AGBL4: variants seen among roughly 807,000 people sequenced by gnomAD.
AGBL4 encodes the protein AGBL carboxypeptidase 4, also known as cytosolic carboxypeptidase 6.
A neutral mutation model predicts 66.4 loss-of-function variants in AGBL4; 58 were observed. The ratio of observed to expected loss-of-function variants is 0.87; its 90% CI spans 0.71 to 1.09. The LOEUF (loss-of-function observed/expected upper bound fraction) is 1.09, where lower values mean the gene tolerates loss of function less well. AGBL4 is among the 50% of genes least tolerant of loss of function. AGBL4 has a pLI of 0.00. For missense variants in AGBL4, 579 were observed against 631.0 expected (o/e 0.92, Z 0.88); for synonymous variants, 234 against 222.9 (o/e 1.05, Z -0.44).
intron 4 of AGBL4, among the ~76,000 whole-genome samples, chr1:49,179,761 T>C (rs1019179162): frequency 6.6e-6 from 1 of 152,044 alleles, no homozygotes; most frequent in Non-Finnish European, 1.5e-5. Context: ...ACAGATGTAG[T>C]AGTTATGAAT....
chr1:49,028,145 T>C (rs1005073905), intron 5 of AGBL4, among the ~76,000 whole-genome samples: 4 of 152,138 alleles, frequency 2.6e-5, no homozygotes, highest in African/African-American at 7.2e-5. Context: ...AGGAAGCTGG[T>C]CACTACATGA....
At chr1:49,937,385 A>T (rs1654187918) in intron 1 of AGBL4, among the ~76,000 whole-genome samples, 1 of 152,062 alleles carries the variant, frequency 6.6e-6, no homozygotes, top group African/African-American at 2.4e-5. Flanking sequence ...CCACACAATA[A>T]TAATGGGAGA....
At chr1:49,557,180 T>C (rs111893428) in intron 3 of AGBL4, among the ~76,000 whole-genome samples, 2 of 151,986 alleles carry the variant, frequency 1.3e-5, no homozygotes, top group Admixed American at 1.3e-4. Flanking sequence ...GGCTGAAGTG[T>C]TCCTCAAGTG....
At chr1:49,405,107 A>C (rs1202972202) in intron 3 of AGBL4, among the ~76,000 whole-genome samples, 1 of 152,166 alleles carries the variant, frequency 6.6e-6, no homozygotes, top group African/African-American at 2.4e-5. Flanking sequence ...ACTTCAAATC[A>C]TCATTAGTAT....
chr1:49,535,932 T>C (rs1651545904), intron 3 of AGBL4, among the ~76,000 whole-genome samples: 1 of 152,200 alleles, frequency 6.6e-6, no homozygotes. Flanking sequence ...ACCTCGTGAT[T>C]GGCCTGCCTC....
intron 3 of AGBL4, among the ~76,000 whole-genome samples, chr1:49,566,386 G>A (rs953457467): frequency 6.6e-6 from 1 of 152,076 alleles, no homozygotes; most frequent in African/African-American, 2.4e-5. Context: ...CTGATTTTTA[G>A]TTTCCAATTT....
intron 3 of AGBL4, among the ~76,000 whole-genome samples, chr1:49,449,031 A>G (rs1646220297): frequency 6.6e-6 from 1 of 152,078 alleles, no homozygotes; most frequent in South Asian, 2.1e-4. Flanking sequence ...AAAACTGAAT[A>G]AATGTAAAAT....
intron 3 of AGBL4, among the ~76,000 whole-genome samples, chr1:49,449,667 T>A (rs1380603850): frequency 6.6e-6 from 1 of 151,948 alleles, no homozygotes; most frequent in Non-Finnish European, 1.5e-5. Flanking sequence ...CACGAGCCCA[T>A]AGACACAGGT....
chr1:49,226,812 A>G (rs1203740235), intron 4 of AGBL4, among the ~76,000 whole-genome samples: 2 of 152,150 alleles, frequency 1.3e-5, no homozygotes, highest in East Asian at 3.8e-4. Context: ...GTCTTAGTCC[A>G]TTTGTGATGC....
At chr1:49,451,066 T>C (rs1338326265) in intron 3 of AGBL4, among the ~76,000 whole-genome samples, 9 of 152,090 alleles carry the variant, frequency 5.9e-5, no homozygotes, top group Non-Finnish European at 1.3e-4. Context: ...AAGCACATTC[T>C]TGTTATTAGC....
chr1:49,473,388 T>G (rs923291941), intron 3 of AGBL4, among the ~76,000 whole-genome samples: 1 of 152,074 alleles, frequency 6.6e-6, no homozygotes, highest in Non-Finnish European at 1.5e-5. Context: ...ATCTGTTTGA[T>G]GATTAGTGAG....
At chr1:49,988,796 C>T (rs527596962) in intron 1 of AGBL4, among the ~76,000 whole-genome samples, 2 of 152,222 alleles carry the variant, frequency 1.3e-5, no homozygotes, top group East Asian at 1.9e-4. Context: ...TAAACTCCAT[C>T]CCAGTTTCTT....
chr1:49,319,974 G>C (rs1645103121), intron 3 of AGBL4, among the ~76,000 whole-genome samples: 1 of 151,934 alleles, frequency 6.6e-6, no homozygotes, highest in South Asian at 2.1e-4. Context: ...TGCTGTCCAG[G>C]CTAGAGTACA....
chr1:49,534,585 G>T (rs1651421883), intron 3 of AGBL4, among the ~76,000 whole-genome samples: 1 of 152,194 alleles, frequency 6.6e-6, no homozygotes, highest in Admixed American at 6.5e-5. Context: ...TTGCTTAATA[G>T]TATACATAGT....
chr1:49,013,861 G>T (rs1662628778), intron 5 of AGBL4, among the ~76,000 whole-genome samples: 1 of 152,092 alleles, frequency 6.6e-6, no homozygotes, highest in Non-Finnish European at 1.5e-5. Flanking sequence ...ACCTAAAAAT[G>T]GGATCATTCT....
chr1:48,784,619 T>C (rs974172194), intron 6 of AGBL4, among the ~76,000 whole-genome samples: 1 of 152,234 alleles, frequency 6.6e-6, no homozygotes, highest in African/African-American at 2.4e-5. Context: ...CTATGCATTA[T>C]ATAAAATGTA....
intron 4 of AGBL4, among the ~76,000 whole-genome samples, chr1:49,151,710 A>G (rs1646339124): frequency 6.6e-6 from 1 of 152,178 alleles, no homozygotes; most frequent in Non-Finnish European, 1.5e-5. Flanking sequence ...GAAATACTGT[A>G]TGCACTGGTC....
intron 2 of AGBL4, among the ~76,000 whole-genome samples, chr1:49,731,003 T>C (rs1323639607): frequency 6.6e-6 from 1 of 152,224 alleles, no homozygotes; most frequent in African/African-American, 2.4e-5. Context: ...CTGACTTCTA[T>C]GGACTACATC....
At chr1:49,384,394 C>A (rs12040168) in intron 3 of AGBL4, among the ~76,000 whole-genome samples, 65,601 of 151,266 alleles carry the variant, frequency 0.43, 16,858 homozygotes, top group Non-Finnish European at 0.58. Context: ...GAGCTCGAGA[C>A]CACCCTGACC....
Sources: gnomAD v4.1 joint callset for allele counts (sites outside exome capture counted in the v4.1 genomes callset) on GRCh38, gnomAD v4.1.1 for gene constraint, MANE v1.5 for transcripts, NCBI Gene and HGNC (gene_info 2026-07-23, HGNC 2026-07-21) for gene names.